The following SCAI variants were observed in gnomAD, a reference collection of about 807,000 sequenced individuals.
SCAI encodes protein SCAI.
A neutral mutation model predicts 92.2 loss-of-function variants in SCAI; 24 were observed. The observed-to-expected ratio is 0.26, with a 90% CI of 0.19 to 0.37. The LOEUF is 0.37. Among genes scored for constraint, SCAI ranks in the 10% least tolerant of loss-of-function variants. SCAI has a pLI of 1.00. For synonymous variants in SCAI, 261 were observed against 258.6 expected, an observed-to-expected ratio of 1.01 and a Z score of -0.09; for missense variants, 450 against 736.2, an observed-to-expected ratio of 0.61 and a Z score of 4.50.
At chr9:125,094,903 T>G (rs1016812257) in intron 2 of SCAI, among the ~76,000 whole-genome samples, 1 of 152,206 alleles carries the variant, frequency 6.6e-6, no homozygotes, top group Admixed American at 6.5e-5. Flanking sequence ...TACTAATAGT[T>G]ACACAAGAAA....
At chr9:125,045,016 T>A (rs929919559) in intron 3 of SCAI, among the ~76,000 whole-genome samples, 1 of 152,136 alleles carries the variant, frequency 6.6e-6, no homozygotes, top group African/African-American at 2.4e-5. Flanking sequence ...AACACACCCC[T>A]CGCTGCTCCA....
intron 7 of SCAI, 67 bp from the exon 8 acceptor site, chr9:125,019,272 C>T (rs1287337294): frequency 2.7e-5 from 23 of 853,422 alleles, no homozygotes; most frequent in Non-Finnish European, 3.9e-5. Context: ...CATATAGAAC[C>T]ATATTCCTGA....
chr9:125,112,973 A>G (rs1243240389), intron 2 of SCAI, among the ~76,000 whole-genome samples: 1 of 152,248 alleles, frequency 6.6e-6, no homozygotes, highest in Non-Finnish European at 1.5e-5. Flanking sequence ...AGCATGAAAC[A>G]AATATCCATG....
intron 2 of SCAI, among the ~76,000 whole-genome samples, chr9:125,068,978 G>A (rs1434177809): frequency 2.0e-5 from 3 of 152,098 alleles, no homozygotes; most frequent in Admixed American, 6.5e-5. Context: ...CACTTTGAGA[G>A]GCCAAGGCGG....
intron 11 of SCAI, among the ~76,000 whole-genome samples, chr9:125,002,488 G>GTTTTTTTTTTTTGTT (rs58586769): frequency 4.8e-5 from 6 of 125,106 alleles, no homozygotes; most frequent in Admixed American, 1.8e-4. Flanking sequence ...TTTTTAGTCT[G>GTTTTTTTTTTTTGTT]TTTTTTTTTT....
chr9:125,124,352 A>T (rs988350533), intron 2 of SCAI, among the ~76,000 whole-genome samples: 20 of 152,176 alleles, frequency 1.3e-4, no homozygotes, highest in African/African-American at 4.8e-4. Context: ...GAGGCTGAAA[A>T]GTCCCAAGAT....
At chr9:125,105,848 C>T (rs1456660091) in intron 2 of SCAI, among the ~76,000 whole-genome samples, 3 of 151,592 alleles carry the variant, frequency 2.0e-5, no homozygotes, top group Non-Finnish European at 4.4e-5. Context: ...CCTGTAATCC[C>T]AGCACTCTGG....
In SCAI at chr9:125,018,885, T is replaced by C. The variant is rs1276044967; in HGVS notation, c.775A>G (p.Thr259Ala). Reference protein sequence around the residue: ...IVITSNRLAETGAPLLEQGMI... With the variant: ...IVITSNRLAEAGAPLLEQGMI... ...CCCTGTTCCAGCAATGGGGCTCCTGTTTCAGCAAGGCGATTCGATGTGATA... is the reference window on the plus strand; with the variant it reads ...CCCTGTTCCAGCAATGGGGCTCCTGCTTCAGCAAGGCGATTCGATGTGATA... The change falls in exon 9 of 18, where the codon ACA becomes GCA. Residue 259 changes from threonine to alanine, a missense_variant. Physicochemically the swap from Thr to Ala is moderately conservative, Grantham distance 58 (BLOSUM62 0). Around this residue, in one of 3 missense-constraint regions of SCAI, gnomAD observed 360 missense variants for 601.8 expected, o/e 0.60. Transcript: ENST00000336505. 3 of 1,613,910 alleles carry C rather than the reference T, an allele frequency of 1.9e-6. No homozygotes were observed. The highest frequency in any genetic ancestry group is 1.7e-6 in the Non-Finnish European group (2 of 1,179,986).
rs772993118 is a variant in SCAI at position 125,001,946 on chromosome 9, G to C, written c.1144+19C>G. The C allele has an allele frequency of 1.3e-6, 2 of 1,556,736 alleles. No individual in the cohort carries two copies. The highest frequency in any genetic ancestry group is 8.9e-7 in the Non-Finnish European group (1 of 1,127,640). ...GAATTCAAGCCCTGCTCACAACAGG[G>C]AGCATTCCTTTATTGTACCTTCACT... On this transcript the variant is annotated intron_variant, in intron 12 of 17. Coordinates refer to ENST00000336505, the MANE Select transcript of SCAI (RefSeq NM_001144877.3).
Position 124,971,765 on chromosome 9 carries a change from T to G in SCAI, c.1479A>C (p.Ser493=), listed in dbSNP as rs1831664159. 6.2e-7 allele frequency: 1 copy of G among 1,612,540 alleles called. No homozygotes were observed. The highest frequency in any genetic ancestry group is 1.3e-5 in the African/African-American group (1 of 74,820). Residue 493 remains serine, a synonymous_variant, in exon 16 of 18, where the codon TCA becomes TCC. Transcript: ENST00000336505. The part of the protein sequence containing the change: ...LMAFLFVSGL[S]SMRRGLWEKC... ...TTTCCCATAGGCCTCTGCGCATGCTTGACAATCCAGAGACAAATAGGAAGG... is the reference window on the plus strand; with the variant it reads ...TTTCCCATAGGCCTCTGCGCATGCTGGACAATCCAGAGACAAATAGGAAGG...
At chr9:125,062,086 T>C (rs894411079) in intron 2 of SCAI, among the ~76,000 whole-genome samples, 36 of 152,028 alleles carry the variant, frequency 2.4e-4, no homozygotes, top group African/African-American at 8.7e-4. Flanking sequence ...AAAATAATAA[T>C]TTATACTAAA....
At chr9:125,006,611 C>G (rs1052702111) in intron 9 of SCAI, among the ~76,000 whole-genome samples, 2 of 152,096 alleles carry the variant, frequency 1.3e-5, no homozygotes, top group Admixed American at 1.3e-4. Context: ...CCTGCCTCAG[C>G]CTCCTGAGTA....
Position 125,009,672 on chromosome 9 carries a change from T to C in SCAI, c.862-6102A>G, listed in dbSNP as rs539890981. ...GAGGCCAAGCTGGGGGCAGATCACC[T>C]GAGGCTAGGAGTTTGAGACCAGCCT... On this transcript the variant is annotated intron_variant, in intron 9 of 17. Coordinates refer to ENST00000336505, the MANE Select transcript of SCAI (RefSeq NM_001144877.3). Among the ~76,000 whole-genome samples, 10 of 151,086 alleles carry C rather than the reference T, an allele frequency of 6.6e-5. 1 individual carries two copies. Among genetic ancestry groups the C allele is most frequent in the African/African-American group, 2.4e-4 (10 of 41,220 alleles).
At chr9:124,960,026 T>C (rs528840688) in intron 17 of SCAI, among the ~76,000 whole-genome samples, 6 of 152,280 alleles carry the variant, frequency 3.9e-5, no homozygotes, top group African/African-American at 1.4e-4. Context: ...AGCAGCATGA[T>C]TTATAATCCT....
chr9:124,987,787 C>A (rs1453183447), intron 14 of SCAI, among the ~76,000 whole-genome samples: 2 of 152,126 alleles, frequency 1.3e-5, no homozygotes, highest in Non-Finnish European at 2.9e-5. Flanking sequence ...CATGGGGAAA[C>A]CCTGTCTCTA....
At chr9:125,089,942 G>A (rs920149186) in intron 2 of SCAI, among the ~76,000 whole-genome samples, 1 of 152,154 alleles carries the variant, frequency 6.6e-6, no homozygotes, top group African/African-American at 2.4e-5. Context: ...ATATGTAAAT[G>A]ACTACAATAA....
rs1832399089 is a variant in SCAI at position 125,003,080 on chromosome 9, C to T, written c.1065+34G>A. Reference sequence around the variant, plus strand: ...TTAGATTTTAGTTAGGGCACACTTTCACCTCATAGTAAAAAGTACTGGATC... The same window carrying T: ...TTAGATTTTAGTTAGGGCACACTTTTACCTCATAGTAAAAAGTACTGGATC... On this transcript the variant is annotated intron_variant, in intron 11 of 17. Transcript: ENST00000336505. 9.6e-6 allele frequency: 13 copies of T among 1,348,426 alleles called. 1 individual carries two copies. The East Asian group carries it at 2.5e-4, about 26-fold the overall frequency. The allele number at this position is 1,348,426 out of a possible 1,614,324, so 83.5% of individuals were successfully genotyped here. A position where few individuals can be genotyped will look rare whatever the true frequency, so the allele number is the denominator to read the frequency against.
At chr9:125,041,290 GGTT>G (rs1362259463) in intron 3 of SCAI, among the ~76,000 whole-genome samples, 4 of 152,124 alleles carry the variant, frequency 2.6e-5, no homozygotes, top group African/African-American at 9.7e-5. Flanking sequence ...TCTAATGAGA[GGTT>G]ACATCAGGAA....
intron 6 of SCAI, among the ~76,000 whole-genome samples, chr9:125,024,278 T>TG (rs1190674246): frequency 3.7e-5 from 5 of 133,372 alleles, no homozygotes; most frequent in African/African-American, 1.5e-4. Context: ...TTTTATGAAG[T>TG]TTTTTTTTTT....
Sources: gnomAD v4.1 joint callset for allele counts (sites outside exome capture counted in the v4.1 genomes callset) on GRCh38, gnomAD v4.1.1 for gene constraint, gnomAD v4.1.1 regional missense constraint, MANE v1.5 for transcripts, NCBI Gene and HGNC (gene_info 2026-07-23, HGNC 2026-07-21) for gene names.